KIAA1217: variants seen among roughly 807,000 people sequenced by gnomAD.
KIAA1217 encodes the protein sickle tail protein homolog.
A neutral mutation model predicts 163.9 loss-of-function variants in KIAA1217; 88 were observed. The ratio of observed to expected loss-of-function variants is 0.54; its 90% CI spans 0.45 to 0.64. The LOEUF is 0.64. KIAA1217 is among the 30% of genes least tolerant of loss of function. KIAA1217 has a pLI of 0.00. For synonymous variants in KIAA1217, 903 were observed against 923.1 expected, an observed-to-expected ratio of 0.98 and a Z score of 0.39; for missense variants, 2,372 against 2,475.0, an observed-to-expected ratio of 0.96 and a Z score of 0.88.
intron 5 of KIAA1217, among the ~76,000 whole-genome samples, chr10:24,442,901 C>T (rs1365706121): frequency 1.4e-5 from 2 of 147,028 alleles, no homozygotes; most frequent in Non-Finnish European, 1.5e-5. Flanking sequence ...TTATTAAGCA[C>T]TTTTGTGGGA....
intron 1 of KIAA1217, among the ~76,000 whole-genome samples, chr10:23,757,770 G>A (rs749083893): frequency 2.6e-5 from 4 of 152,012 alleles, no homozygotes; most frequent in Non-Finnish European, 4.4e-5. Flanking sequence ...CACCTTCCTC[G>A]GCTTCCCAAA....
intron 8 of KIAA1217, among the ~76,000 whole-genome samples, chr10:24,495,725 A>C (rs2133817631): frequency 6.6e-6 from 1 of 152,342 alleles, no homozygotes; most frequent in East Asian, 1.9e-4. Context: ...CTGGGGAAGG[A>C]CATCAGCCCA....
At chr10:23,955,946 A>G (rs993363351) in intron 1 of KIAA1217, among the ~76,000 whole-genome samples, 3 of 152,176 alleles carry the variant, frequency 2.0e-5, no homozygotes, top group Non-Finnish European at 2.9e-5. Context: ...TCGAGATGGT[A>G]TCTAATGAAT....
intron 1 of KIAA1217, among the ~76,000 whole-genome samples, chr10:23,840,158 T>A (rs533641667): frequency 6.7e-6 from 1 of 148,182 alleles, no homozygotes; most frequent in East Asian, 1.9e-4. Flanking sequence ...GTAATTACGC[T>A]TCTTTTTTTT....
chr10:24,167,285 G>A (rs1289977355), intron 2 of KIAA1217, among the ~76,000 whole-genome samples: 127 of 8,092 alleles, frequency 0.016, no homozygotes, highest in African/African-American at 0.077. Flanking sequence ...GTGTATGTGC[G>A]TGTGTGTGTG....
At chr10:24,416,887 C>G (rs1469690544) in intron 3 of KIAA1217, among the ~76,000 whole-genome samples, 1 of 152,116 alleles carries the variant, frequency 6.6e-6, no homozygotes, top group Non-Finnish European at 1.5e-5. Context: ...GTGCATACAC[C>G]AATGTCAGGC....
intron 1 of KIAA1217, among the ~76,000 whole-genome samples, chr10:23,960,132 G>A (rs2131371307): frequency 6.6e-6 from 1 of 151,176 alleles, no homozygotes; most frequent in East Asian, 2.0e-4. Flanking sequence ...AGCCAGGGTG[G>A]TCTCGATCTC....
chr10:23,854,533 C>T (rs558464156), intron 1 of KIAA1217, among the ~76,000 whole-genome samples: 2 of 152,228 alleles, frequency 1.3e-5, no homozygotes, highest in South Asian at 2.1e-4. Context: ...ATTAGATCCG[C>T]TTGGTGCAGA....
intron 1 of KIAA1217, among the ~76,000 whole-genome samples, chr10:23,712,940 A>G (rs7917403): frequency 0.013 from 1,912 of 152,226 alleles, 40 homozygotes; most frequent in African/African-American, 0.044. Context: ...CTTCTGGTAT[A>G]CCTGAAGCAG....
At chr10:24,193,437 CT>C (rs1185829014) in intron 2 of KIAA1217, among the ~76,000 whole-genome samples, 1 of 152,202 alleles carries the variant, frequency 6.6e-6, no homozygotes, top group African/African-American at 2.4e-5. Context: ...AAATGTAGCC[CT>C]GTGTAGACAA....
chr10:23,832,591 G>A (rs1289479708), intron 1 of KIAA1217, among the ~76,000 whole-genome samples: 4 of 152,036 alleles, frequency 2.6e-5, no homozygotes, highest in Admixed American at 2.0e-4. Context: ...CCATCCTAGG[G>A]GCTCCCAGTT....
At chr10:24,391,212 A>C (rs1192986558) in intron 3 of KIAA1217, among the ~76,000 whole-genome samples, 1 of 152,120 alleles carries the variant, frequency 6.6e-6, no homozygotes, top group African/African-American at 2.4e-5. Flanking sequence ...AAAGGTGTCA[A>C]CCCTCAGGCA....
intron 1 of KIAA1217, among the ~76,000 whole-genome samples, chr10:23,810,435 CTATA>C (rs1454575759): frequency 7.0e-6 from 1 of 141,868 alleles, no homozygotes; most frequent in African/African-American, 2.6e-5. Flanking sequence ...GCTATATGTA[CTATA>C]TATAGATTAT....
chr10:23,853,978 T>C (rs1243996878), intron 1 of KIAA1217, among the ~76,000 whole-genome samples: 2 of 152,194 alleles, frequency 1.3e-5, no homozygotes, highest in African/African-American at 4.8e-5. Flanking sequence ...CCTGGATTCA[T>C]TAATTTTTTG....
At chr10:23,943,977 A>G (rs193171172) in intron 1 of KIAA1217, among the ~76,000 whole-genome samples, 1 of 152,362 alleles carries the variant, frequency 6.6e-6, no homozygotes, top group African/African-American at 2.4e-5. Flanking sequence ...AAAAACATCT[A>G]GAAGCAAATA....
At chr10:23,798,469 T>C (rs1836312002) in intron 1 of KIAA1217, among the ~76,000 whole-genome samples, 1 of 152,222 alleles carries the variant, frequency 6.6e-6, no homozygotes, top group South Asian at 2.1e-4. Context: ...CTGAGTTCTT[T>C]ATGCCACTTC....
chr10:24,381,495 C>A (rs147631000), intron 3 of KIAA1217, among the ~76,000 whole-genome samples: 2 of 152,168 alleles, frequency 1.3e-5, no homozygotes, highest in Non-Finnish European at 2.9e-5. Flanking sequence ...CTGTGGCATC[C>A]GCTTCTCATA....
At chr10:24,285,338 CT>C (rs1361421510) in intron 2 of KIAA1217, among the ~76,000 whole-genome samples, 4 of 152,148 alleles carry the variant, frequency 2.6e-5, no homozygotes, top group African/African-American at 7.2e-5. Flanking sequence ...CGGTTTTCTT[CT>C]AGGATTTTTA....
intron 1 of KIAA1217, among the ~76,000 whole-genome samples, chr10:23,934,116 A>T (rs1446638310): frequency 6.6e-6 from 1 of 152,226 alleles, no homozygotes; most frequent in East Asian, 1.9e-4. Context: ...TGTTTACAAT[A>T]GCAAAGACAT....
Sources: allele counts gnomAD v4.1 joint callset (sites outside exome capture counted in the v4.1 genomes callset), GRCh38; gene constraint gnomAD v4.1.1; transcripts MANE v1.5; gene names NCBI Gene and HGNC (gene_info 2026-07-23, HGNC 2026-07-21).